CNTLN: variants seen among roughly 807,000 people sequenced by gnomAD.
CNTLN encodes centlein, centrosomal protein.
CNTLN carries 212 observed loss-of-function variants against 180.0 expected under a neutral mutation model. The ratio of observed to expected loss-of-function variants is 1.18; its 90% confidence interval spans 1.05 to 1.32. The LOEUF is 1.32. Ranked by LOEUF, CNTLN falls within the 40% of genes most tolerant of loss-of-function variation. The pLI is 0.00. For missense variants in CNTLN, 2,095 were observed against 1,610.9 expected (o/e 1.30, Z -5.14); for synonymous variants, 722 against 563.1 (o/e 1.28, Z -3.99).
At chr9:17,262,319 C>A (rs1258962165) in intron 5 of CNTLN, among the ~76,000 whole-genome samples, 2 of 151,504 alleles carry the variant, frequency 1.3e-5, no homozygotes, top group Admixed American at 6.6e-5. Context: ...AGACTTGGAA[C>A]CAACCCAAAT....
At chr9:17,400,206 C>T (rs1826861666) in intron 15 of CNTLN, among the ~76,000 whole-genome samples, 1 of 152,060 alleles carries the variant, frequency 6.6e-6, no homozygotes, top group African/African-American at 2.4e-5. Context: ...GGCGTGGTCT[C>T]GGCTCACTGC....
At chr9:17,311,248 C>T (rs927579353) in intron 8 of CNTLN, among the ~76,000 whole-genome samples, 6 of 151,866 alleles carry the variant, frequency 4.0e-5, no homozygotes, top group African/African-American at 1.2e-4. Flanking sequence ...TGGTCCTGAA[C>T]TCCTGACCTC....
chr9:17,291,037 AT>A (rs1156892472), intron 6 of CNTLN, among the ~76,000 whole-genome samples: 11 of 152,152 alleles, frequency 7.2e-5, no homozygotes, highest in African/African-American at 2.6e-4. Context: ...TCCTCCCCTG[AT>A]TTCTGCCTTA....
intron 15 of CNTLN, among the ~76,000 whole-genome samples, chr9:17,403,095 G>T (rs1250900494): frequency 6.6e-6 from 1 of 151,724 alleles, no homozygotes; most frequent in Non-Finnish European, 1.5e-5. Flanking sequence ...TGGTGACAGG[G>T]AGGTCTGTGG....
intron 6 of CNTLN, among the ~76,000 whole-genome samples, chr9:17,293,669 C>T (rs1817574777): frequency 6.6e-6 from 1 of 152,224 alleles, no homozygotes; most frequent in Non-Finnish European, 1.5e-5. Context: ...GCAGTGATGG[C>T]TGCCACCCCT....
chr9:17,155,239 G>T (rs1377151195), intron 2 of CNTLN, among the ~76,000 whole-genome samples: 1 of 152,332 alleles, frequency 6.6e-6, no homozygotes, highest in South Asian at 2.1e-4. Flanking sequence ...CGTGAAGTCA[G>T]CGAGACCAAG....
intron 6 of CNTLN, among the ~76,000 whole-genome samples, chr9:17,282,242 G>A (rs1368594682): frequency 6.6e-6 from 1 of 152,068 alleles, no homozygotes; most frequent in Non-Finnish European, 1.5e-5. Context: ...ATTACAGAGT[G>A]AGACACCGTG....
the CNTLN span, among the ~76,000 whole-genome samples, chr9:17,527,567 G>A: frequency 3.9e-5 from 6 of 152,128 alleles, no homozygotes; most frequent in African/African-American, 1.2e-4. Flanking sequence ...CTGGTGGAGT[G>A]GGTACTTACA....
intron 13 of CNTLN, among the ~76,000 whole-genome samples, chr9:17,381,151 A>G (rs980720688): frequency 6.6e-6 from 1 of 152,242 alleles, no homozygotes; most frequent in African/African-American, 2.4e-5. Context: ...AGAAATTATT[A>G]GCAACAGGCA....
At chr9:17,358,348 G>A (rs4961545) in intron 12 of CNTLN, among the ~76,000 whole-genome samples, 2 of 151,794 alleles carry the variant, frequency 1.3e-5, no homozygotes, top group African/African-American at 4.8e-5. Flanking sequence ...AAAGTTGATT[G>A]AAAAGAAGAA....
intron 8 of CNTLN, among the ~76,000 whole-genome samples, chr9:17,312,367 T>TAATATATATATATATA (rs373156484): frequency 1.0e-3 from 11 of 10,956 alleles, no homozygotes; most frequent in African/African-American, 1.8e-3. Context: ...ATATATATTA[T>TAATATATATATATATA]ATATATATAT....
intron 2 of CNTLN, among the ~76,000 whole-genome samples, chr9:17,151,828 C>G (rs1818904016): frequency 6.6e-6 from 1 of 152,154 alleles, no homozygotes. Context: ...ATTACTGTCT[C>G]AATTTCAGAA....
intron 23 of CNTLN, among the ~76,000 whole-genome samples, chr9:17,478,766 A>G (rs1832489051): frequency 1.3e-5 from 2 of 152,036 alleles, no homozygotes; most frequent in South Asian, 4.1e-4. Context: ...ACCGTTATAT[A>G]TCACCCTGTC....
chr9:17,350,069 A>G (rs1006325763), intron 12 of CNTLN, among the ~76,000 whole-genome samples: 3 of 152,254 alleles, frequency 2.0e-5, no homozygotes, highest in East Asian at 1.9e-4. Context: ...TGAAGTACCC[A>G]TCACAGTCCA....
At chr9:17,460,486 G>A (rs999962326) in intron 19 of CNTLN, among the ~76,000 whole-genome samples, 12 of 151,552 alleles carry the variant, frequency 7.9e-5, no homozygotes, top group African/African-American at 2.7e-4. Flanking sequence ...GCTGGGTTTC[G>A]ATCACTTTTT....
At chr9:17,363,104 A>G (rs1823537475) in intron 12 of CNTLN, among the ~76,000 whole-genome samples, 1 of 152,252 alleles carries the variant, frequency 6.6e-6, no homozygotes, top group African/African-American at 2.4e-5. Context: ...CATGGTGTAT[A>G]TGTGCCACAT....
chr9:17,496,571 G>A (rs4620386), intron 25 of CNTLN, among the ~76,000 whole-genome samples: 52,804 of 152,034 alleles, frequency 0.35, 9,593 homozygotes, highest in East Asian at 0.53. Context: ...AATTTTGGGG[G>A]AACACAAGCA....
At chr9:17,311,527 C>T (rs1384207114) in intron 8 of CNTLN, among the ~76,000 whole-genome samples, 1 of 147,270 alleles carries the variant, frequency 6.8e-6, no homozygotes, top group Non-Finnish European at 1.5e-5. Flanking sequence ...AAGAAATTGA[C>T]GGCTGGGTGC....
intron 5 of CNTLN, among the ~76,000 whole-genome samples, chr9:17,259,811 C>T (rs1321462052): frequency 4.2e-5 from 6 of 144,410 alleles, no homozygotes; most frequent in South Asian, 2.3e-4. Context: ...TCTGTGGGAT[C>T]GCTGGTGATA....
Sources: allele counts gnomAD v4.1 joint callset (sites outside exome capture counted in the v4.1 genomes callset), GRCh38; gene constraint gnomAD v4.1.1; transcripts MANE v1.5; gene names NCBI Gene and HGNC (gene_info 2026-07-23, HGNC 2026-07-21).